Variants in SREBF1 observed in about 807,000 individuals in gnomAD.
The protein encoded by SREBF1 is sterol regulatory element binding transcription factor 1.
A neutral mutation model predicts 100.1 loss-of-function variants in SREBF1; 45 were observed. That is an observed-to-expected ratio of 0.45 (90% CI 0.35 to 0.58). The LOEUF is 0.58. SREBF1 is among the 20% of genes least tolerant of loss of function. The pLI, the probability that SREBF1 is intolerant of heterozygous loss-of-function variation, is 0.00. For missense variants in SREBF1, 1,324 were observed against 1,539.4 expected (o/e 0.86, Z 2.34); for synonymous variants, 657 against 681.8 (o/e 0.96, Z 0.57).
chr17:17,814,531 A>G (rs2033330342), intron 15 of SREBF1, 84 bp downstream of exon 15: 27 of 1,535,666 alleles, frequency 1.8e-5, no homozygotes, highest in Non-Finnish European at 2.2e-5. Flanking sequence ...CCTGCACAGA[A>G]CAAAGGCTGA....
intron 1 of SREBF1, among the ~76,000 whole-genome samples, chr17:17,829,901 A>T (rs2034752018): frequency 6.6e-6 from 1 of 152,138 alleles, no homozygotes; most frequent in South Asian, 2.1e-4. Context: ...CAGCCTCCCA[A>T]AGTGCTGGGA....
At chr17:17,818,129 A>C in intron 6 of SREBF1, 131 bp downstream of exon 6, 1 of 397,354 alleles carries the variant, frequency 2.5e-6, no homozygotes, top group Non-Finnish European at 4.1e-6. Flanking sequence ...GCTACAGCCA[A>C]GGGTGAGGTG....
Position 17,820,289 on chromosome 17 carries a change from C to G in SREBF1, c.324G>C (p.Lys108Asn), listed in dbSNP as rs115121194. The stretch of plus-strand genomic sequence containing the variant: ...AGAAAGCGGGCATGGACGGGTACAT[C>G]TTCAATGGAGTGGGTGCAGGCTGGG... ...SPPQPAPTPL[K>N]MYPSMPAFSP... is the part of the protein sequence containing the mutation. Residue 108 changes from lysine (K) to asparagine (N), a missense_variant, in exon 2 of 19, where the codon AAG becomes AAC. Physicochemically the swap from Lys to Asn is moderately conservative, Grantham distance 94 (BLOSUM62 0). Coordinates refer to ENST00000261646, the MANE Select transcript of SREBF1 (RefSeq NM_004176.5). 3.7e-6 allele frequency: 6 copies of G among 1,613,736 alleles called. No individual in the cohort carries two copies. In the East Asian group the frequency reaches 1.1e-4, roughly 30 times the overall value.
chr17:17,829,205 A>AAAAAAAAAATATATATAT (rs1210718799), intron 1 of SREBF1, among the ~76,000 whole-genome samples: 1 of 65,870 alleles, frequency 1.5e-5, no homozygotes, highest in African/African-American at 8.8e-5. Context: ...AAAAAAAAAA[A>AAAAAAAAAATATATATAT]ATATATATAT....
chr17:17,834,950 C>G (rs1330161574), intron 1 of SREBF1, among the ~76,000 whole-genome samples: 1 of 152,114 alleles, frequency 6.6e-6, no homozygotes, highest in Non-Finnish European at 1.5e-5. Flanking sequence ...GGAGGAGGAG[C>G]TTGCAGTGAG....
chr17:17,822,088 C>T (rs1225285125), intron 1 of SREBF1, among the ~76,000 whole-genome samples: 1 of 152,220 alleles, frequency 6.6e-6, no homozygotes, highest in Non-Finnish European at 1.5e-5. Context: ...CCCTAGACTA[C>T]CTCAAAAGAT....
In SREBF1 at chr17:17,818,346, G is replaced by A; in HGVS notation, c.1097C>T (p.Ala366Val). The change falls in exon 6 of 19, where the codon GCC becomes GTC. Residue 366 changes from alanine (A) to valine (V), a missense_variant. Ala to Val is a moderately conservative substitution (Grantham distance 64). Coordinates refer to ENST00000261646, the MANE Select transcript of SREBF1 (RefSeq NM_004176.5). The stretch of plus-strand genomic sequence containing the variant: ...TTGCAGAAAGCGAATGTAGTCGATG[G>A]CCTTGCGCAAGACAGCAGATTTATT... ...KLNKSAVLRKAIDYIRFLQHS... is the reference protein window; with the variant it reads ...KLNKSAVLRKVIDYIRFLQHS... 6.2e-7 allele frequency: 1 copy of A among 1,613,732 alleles called. No homozygotes were observed. The highest frequency in any genetic ancestry group is 8.5e-7 in the Non-Finnish European group (1 of 1,180,002).
rs764217259 is a variant in SREBF1, at chr17:17,814,684, C to T, written c.2666G>A (p.Arg889Gln). 21 of 1,591,944 alleles carry T rather than the reference C, an allele frequency of 1.3e-5. No individual in the cohort carries two copies. Among genetic ancestry groups the T allele is most frequent in the African/African-American group, 9.4e-5 (7 of 74,504 alleles). Residue 889 changes from arginine to glutamine, a missense_variant, in exon 15 of 19, where the codon CGG (arginine) becomes CAG (glutamine). By Grantham distance (43) the Arg-to-Gln change is conservative (BLOSUM62 1). Transcript: ENST00000261646. Reference sequence around the variant, plus strand: ...CAGCCGCTCAGCCGCCTCCTCATCCCGCCGCAGCCAGTGGATCACCACAGC... The same window carrying T: ...CAGCCGCTCAGCCGCCTCCTCATCCTGCCGCAGCCAGTGGATCACCACAGC... ...LTAVVIHWLR[R>Q]DEEAAERLCP...
At chr17:17,813,303 C>T (rs780793583) in intron 18 of SREBF1, 65 bp downstream of exon 18, 11 of 1,470,034 alleles carry the variant, frequency 7.5e-6, no homozygotes, top group East Asian at 2.5e-5. Flanking sequence ...CTTGGTATCA[C>T]ATCCCATGTG....
chr17:17,833,248 C>G (rs1293102446), intron 1 of SREBF1, among the ~76,000 whole-genome samples: 2 of 150,702 alleles, frequency 1.3e-5, no homozygotes. Flanking sequence ...ATGGTGAAAC[C>G]CCATCTCTAC....
At chr17:17,828,096 C>G (rs1247842753) in intron 1 of SREBF1, among the ~76,000 whole-genome samples, 1 of 152,214 alleles carries the variant, frequency 6.6e-6, no homozygotes, top group African/African-American at 2.4e-5. Flanking sequence ...GGACCCCAGT[C>G]AGAGGCCGTG....
intron 2 of SREBF1, 83 bp downstream of exon 2, chr17:17,820,007 T>C: frequency 7.0e-7 from 1 of 1,428,322 alleles, no homozygotes; most frequent in Non-Finnish European, 9.4e-7. Context: ...CACAGACCTC[T>C]ACTCACATCA....
chr17:17,825,510 C>T (rs1374908877), intron 1 of SREBF1, among the ~76,000 whole-genome samples: 2 of 152,034 alleles, frequency 1.3e-5, no homozygotes, highest in African/African-American at 2.4e-5. Flanking sequence ...GGGGGAAGGG[C>T]CTGGGTGCCA....
rs1470943357 is a variant in SREBF1, at chr17:17,812,592, A to G, written c.*30T>C. ...CTGCACGGGACCAAAGTGGCTAGAG[A>G]CAGGGGTGCTGAGGCCGGGGACACG... On this transcript the variant is annotated 3_prime_UTR_variant, in exon 19 of 19. Transcript: ENST00000261646. The G allele has an allele frequency of 1.3e-6, 2 of 1,570,004 alleles. No homozygotes were observed. Among genetic ancestry groups the G allele is most frequent in the Middle Eastern group, 1.7e-4 (1 of 6,018 alleles).
intron 12 of SREBF1, chr17:17,815,626 G>T: frequency 3.3e-6 from 2 of 605,148 alleles, no homozygotes; most frequent in Admixed American, 2.9e-5. Flanking sequence ...GCACTGCCTG[G>T]GGTCACTTCT....
intron 1 of SREBF1, among the ~76,000 whole-genome samples, chr17:17,826,499 T>C (rs2034500158): frequency 6.6e-6 from 1 of 152,122 alleles, no homozygotes; most frequent in Non-Finnish European, 1.5e-5. Context: ...AGAAGGCCCT[T>C]GTGGTTCCCA....
At chr17:17,812,896 C>A (rs758228846) in intron 18 of SREBF1, 45 bp from the exon 19 acceptor site, 40 of 1,438,640 alleles carry the variant, frequency 2.8e-5, no homozygotes, top group Non-Finnish European at 5.5e-6. Flanking sequence ...AAGCTGGCCA[C>A]GCCCCCGCGG....
chr17:17,815,414 G>A, intron 12 of SREBF1, 85 bp from the exon 13 acceptor site: 1 of 1,150,924 alleles, frequency 8.7e-7, no homozygotes, highest in South Asian at 1.3e-5. Flanking sequence ...GGTGGGCTGG[G>A]GCCACACCTA....
At position 17,817,765 on chromosome 17, in the gene SREBF1, G is replaced by T. The variant is rs1018275079; in HGVS notation, c.1335C>A (p.Ser445Arg). ...PFQSSPLSLG[S>R]RGSGSGGSGS... is the part of the protein sequence containing the mutation. ...CACTGCCACCGCTGCCACTGCCCCT[G>T]CTGCCAAGGGACAAGGGGCTGCTCT... The change falls in exon 7 of 19, where the codon AGC (serine) becomes AGA (arginine). Residue 445 changes from serine (S) to arginine (R), a missense_variant. By Grantham distance (110) the Ser-to-Arg change is moderately radical (BLOSUM62 -1). Transcript: ENST00000261646. This position sits in a 1 kb window ranked among gnomAD's most constrained non-coding sequence, Gnocchi z 6.6. The T allele has an allele frequency of 6.2e-7, 1 of 1,613,780 alleles. No individual in the cohort carries two copies. The highest frequency in any genetic ancestry group is 8.5e-7 in the Non-Finnish European group (1 of 1,180,008).
Sources: allele counts gnomAD v4.1 joint callset (sites outside exome capture counted in the v4.1 genomes callset), GRCh38; gene constraint gnomAD v4.1.1; non-coding constraint Gnocchi (gnomAD v3.1); transcripts MANE v1.5; gene names NCBI Gene and HGNC (gene_info 2026-07-23, HGNC 2026-07-21).